Variants in SPOCK3 observed in about 807,000 individuals in gnomAD.
The protein encoded by SPOCK3 is SPARC (osteonectin), cwcv and kazal like domains proteoglycan 3, also known as testican-3.
SPOCK3 carries 30 observed loss-of-function variants against 56.6 expected under a neutral mutation model. The ratio of observed to expected loss-of-function variants is 0.53; its 90% CI spans 0.40 to 0.72. The LOEUF is 0.72. SPOCK3 is among the 30% of genes least tolerant of loss of function. SPOCK3 has a pLI of 0.00. For synonymous variants in SPOCK3, 196 were observed against 183.3 expected, an observed-to-expected ratio of 1.07 and a Z score of -0.56; for missense variants, 527 against 530.0, an observed-to-expected ratio of 0.99 and a Z score of 0.06.
At chr4:167,013,075 A>G (rs940534423) in intron 3 of SPOCK3, among the ~76,000 whole-genome samples, 5 of 151,960 alleles carry the variant, frequency 3.3e-5, no homozygotes, top group Non-Finnish European at 2.9e-5. Flanking sequence ...AAATCCATGT[A>G]CTCTAACTCT....
intron 2 of SPOCK3, among the ~76,000 whole-genome samples, chr4:167,217,249 C>A (rs138884782): frequency 1.6e-3 from 240 of 151,816 alleles, no homozygotes; most frequent in African/African-American, 5.3e-3. Context: ...TACAGTTGAC[C>A]CTCTGTATCC....
intron 7 of SPOCK3, among the ~76,000 whole-genome samples, chr4:166,781,855 A>G (rs2126618199): frequency 6.6e-6 from 1 of 152,308 alleles, no homozygotes; most frequent in Middle Eastern, 3.4e-3. Context: ...AAACAGCGGC[A>G]TGACAGGGGT....
At chr4:167,176,139 T>A (rs2150478727) in intron 2 of SPOCK3, among the ~76,000 whole-genome samples, 1 of 152,124 alleles carries the variant, frequency 6.6e-6, no homozygotes, top group East Asian at 1.9e-4. Context: ...AATCTCTTTA[T>A]CTGACTCTGA....
Position 166,737,570 on chromosome 4 carries a change from G to A in SPOCK3, c.1029C>T (p.Tyr343=). Residue 343 remains tyrosine (Y), a synonymous_variant, in exon 10 of 11, where the codon TAC becomes TAT. Transcript: ENST00000357545. ...QYIPLCDEDG[Y]YKPTQCHGSV... ...TGCCATGACATTGTGTTGGCTTGTA[G>A]TAACCATCTTCATCACACAGGGGGA... 2.5e-6 allele frequency: 4 copies of A among 1,612,844 alleles called. No homozygotes were observed. The highest frequency in any genetic ancestry group is 3.4e-6 in the Non-Finnish European group (4 of 1,179,344).
chr4:166,951,805 C>T (rs1439256671), intron 4 of SPOCK3, among the ~76,000 whole-genome samples: 3 of 151,582 alleles, frequency 2.0e-5, no homozygotes, highest in African/African-American at 7.3e-5. Flanking sequence ...TGTAATCCAG[C>T]ATATAAACAG....
At chr4:166,769,575 T>C (rs1242204320) in intron 7 of SPOCK3, among the ~76,000 whole-genome samples, 1 of 152,158 alleles carries the variant, frequency 6.6e-6, no homozygotes, top group Non-Finnish European at 1.5e-5. Context: ...TACCTGGCCA[T>C]GTGAGGTGTC....
chr4:167,016,983 T>G (rs1027496330), intron 3 of SPOCK3, among the ~76,000 whole-genome samples: 1 of 152,160 alleles, frequency 6.6e-6, no homozygotes, highest in Non-Finnish European at 1.5e-5. Flanking sequence ...GGAATGGATC[T>G]CTATTAGGCT....
chr4:167,166,183 T>C (rs1387090303), intron 2 of SPOCK3, among the ~76,000 whole-genome samples: 1 of 152,104 alleles, frequency 6.6e-6, no homozygotes, highest in South Asian at 2.1e-4. Context: ...CCTTTGATAT[T>C]GTAGAGAACT....
At chr4:167,162,529 T>C (rs139738319) in intron 2 of SPOCK3, among the ~76,000 whole-genome samples, 1,761 of 152,220 alleles carry the variant, frequency 0.012, 19 homozygotes, top group Non-Finnish European at 0.013. Flanking sequence ...GCCCGATGAC[T>C]GCTGTGTTAG....
chr4:167,082,210 T>C (rs1257532073), intron 2 of SPOCK3, among the ~76,000 whole-genome samples: 1 of 152,124 alleles, frequency 6.6e-6, no homozygotes, highest in African/African-American at 2.4e-5. Context: ...TCAATATTCA[T>C]GTCATAGAAA....
In SPOCK3 at chr4:166,812,603, C is replaced by A. The variant is rs188848042; in HGVS notation, c.590-20314G>T. ...ATTCCAAATGAATGATATTGGATAA[C>A]TTTTTAGAAATAGTGCTTCTATTTC... On this transcript the variant is annotated intron_variant, in intron 6 of 10. Transcript: ENST00000357545. 3.4e-3 allele frequency among the ~76,000 whole-genome samples: 511 copies of A among 151,964 alleles called. 2 individuals are homozygous for A. The highest frequency in any genetic ancestry group is 0.012 in the African/African-American group (487 of 41,540).
chr4:167,089,252 AAGAAAATAC>A (rs1758494371), intron 2 of SPOCK3, among the ~76,000 whole-genome samples: 1 of 152,166 alleles, frequency 6.6e-6, no homozygotes, highest in Non-Finnish European at 1.5e-5. Context: ...CAAAAACTAC[AAGAAAATAC>A]AGAAGACTAA....
At chr4:167,213,029 C>A (rs986175082) in intron 2 of SPOCK3, among the ~76,000 whole-genome samples, 1 of 152,186 alleles carries the variant, frequency 6.6e-6, no homozygotes, top group Admixed American at 6.6e-5. Flanking sequence ...TGCTGGAGCA[C>A]AATCTACATC....
At chr4:166,832,161 G>A (rs956037151) in intron 6 of SPOCK3, among the ~76,000 whole-genome samples, 3 of 151,954 alleles carry the variant, frequency 2.0e-5, no homozygotes, top group Non-Finnish European at 2.9e-5. Flanking sequence ...TACGTCCCAA[G>A]GCCAATGTCC....
intron 2 of SPOCK3, among the ~76,000 whole-genome samples, chr4:167,226,132 A>G (rs1736572056): frequency 6.6e-6 from 1 of 152,338 alleles, no homozygotes; most frequent in South Asian, 2.1e-4. Flanking sequence ...TCTACAGCTC[A>G]AAAAGATTTC....
intron 3 of SPOCK3, among the ~76,000 whole-genome samples, chr4:167,057,161 C>A (rs1383518993): frequency 1.3e-5 from 2 of 152,090 alleles, no homozygotes; most frequent in Non-Finnish European, 1.5e-5. Context: ...AATTTTCAAC[C>A]CAGGATTTCA....
chr4:166,994,580 A>G (rs1246240025), intron 4 of SPOCK3, among the ~76,000 whole-genome samples: 1 of 152,152 alleles, frequency 6.6e-6, no homozygotes, highest in Non-Finnish European at 1.5e-5. Flanking sequence ...AGGATTTTGG[A>G]CTTTAACCAA....
At chr4:166,936,332 TAA>T (rs1740401150) in intron 4 of SPOCK3, among the ~76,000 whole-genome samples, 1 of 152,118 alleles carries the variant, frequency 6.6e-6, no homozygotes, top group South Asian at 2.1e-4. Flanking sequence ...TTTTAAAAGT[TAA>T]AATCCTATTA....
intron 3 of SPOCK3, among the ~76,000 whole-genome samples, chr4:167,016,365 T>C (rs904228621): frequency 3.3e-5 from 5 of 152,188 alleles, no homozygotes; most frequent in African/African-American, 1.2e-4. Context: ...TTAAAGAGGA[T>C]AAAATGCTGC....
Sources: allele counts gnomAD v4.1 joint callset (sites outside exome capture counted in the v4.1 genomes callset), GRCh38; gene constraint gnomAD v4.1.1; transcripts MANE v1.5; gene names NCBI Gene and HGNC (gene_info 2026-07-23, HGNC 2026-07-21).